ZNF385B: variants seen among roughly 807,000 people sequenced by gnomAD.
ZNF385B encodes the protein zinc finger protein 385B.
A neutral mutation model predicts 39.2 loss-of-function variants in ZNF385B; 23 were observed. The ratio of observed to expected loss-of-function variants is 0.59; its 90% CI spans 0.42 to 0.83. The LOEUF (loss-of-function observed/expected upper bound fraction) is 0.83, where lower values mean the gene tolerates loss of function less well. Ranked by LOEUF, ZNF385B falls within the 40% of genes least tolerant of loss-of-function variation. The probability of loss-of-function intolerance (pLI) is 0.00; values close to 1 mark genes in which losing one functional copy is unlikely to be tolerated. For synonymous variants in ZNF385B, 205 were observed against 222.6 expected, an observed-to-expected ratio of 0.92 and a Z score of 0.70; for missense variants, 552 against 598.9, an observed-to-expected ratio of 0.92 and a Z score of 0.82.
intron 3 of ZNF385B, chr2:179,562,396 T>C: frequency 1.0e-6 from 1 of 985,404 alleles, no homozygotes. Flanking sequence ...TAGCAGTGCT[T>C]ACCTTTGTTT....
chr2:179,490,316 A>AACACACACAC lies in ZNF385B; in HGVS notation c.553-6892_553-6883dup, dbSNP rs143318849. On this transcript the variant is annotated intron_variant, in intron 5 of 9. Coordinates refer to ENST00000410066, the MANE Select transcript of ZNF385B (RefSeq NM_152520.6). ...TGAATATATGAGCATTACACACACA[A>AACACACACAC]ACACACACACACACACACACACATA... Among the ~76,000 whole-genome samples, 277 of 150,078 alleles carry AACACACACAC rather than the reference A, an allele frequency of 1.8e-3. 1 individual carries two copies. The highest frequency in any genetic ancestry group is 6.6e-3 in the African/African-American group (270 of 40,946).
intron 1 of ZNF385B, among the ~76,000 whole-genome samples, chr2:179,825,986 T>C (rs1014860400): frequency 6.6e-6 from 1 of 152,182 alleles, no homozygotes; most frequent in African/African-American, 2.4e-5. Context: ...GGCAGCTTTA[T>C]TGACACTAAA....
At chr2:179,709,438 G>C (rs1283639880) in intron 3 of ZNF385B, among the ~76,000 whole-genome samples, 2 of 152,128 alleles carry the variant, frequency 1.3e-5, no homozygotes, top group African/African-American at 4.8e-5. Context: ...CCCCCTTTGG[G>C]GTGCTGACAC....
intron 1 of ZNF385B, among the ~76,000 whole-genome samples, chr2:179,771,524 T>TA (rs35343543): frequency 0.11 from 16,975 of 152,192 alleles, 1,613 homozygotes; most frequent in East Asian, 0.49. Flanking sequence ...GCTCCTGCCT[T>TA]AAAATCTGCT....
rs1162388179 is a variant in ZNF385B, at chr2:179,451,099, G to A, written c.716-4329C>T. On this transcript the variant is annotated intron_variant, in intron 6 of 9. Coordinates refer to ENST00000410066, the MANE Select transcript of ZNF385B (RefSeq NM_152520.6). ...GGAACATCACACACTGGGGACTGTT[G>A]TGAGGTGGGGGGAGGGGGGAGGGAT... 3.3e-5 allele frequency among the ~76,000 whole-genome samples: 4 copies of A among 120,766 alleles called. No homozygotes were observed. The South Asian group carries it at 9.3e-4, about 28-fold the overall frequency. The allele number at this position is 120,766 out of a possible 152,430, so 79.2% of individuals were successfully genotyped here.
intron 3 of ZNF385B, among the ~76,000 whole-genome samples, chr2:179,583,286 G>C (rs1686743510): frequency 6.6e-6 from 1 of 152,098 alleles, no homozygotes; most frequent in Non-Finnish European, 1.5e-5. Flanking sequence ...CTGTATTTCA[G>C]ACCTCCAGAC....
intron 6 of ZNF385B, among the ~76,000 whole-genome samples, chr2:179,472,193 A>G (rs545574850): frequency 6.6e-6 from 1 of 152,306 alleles, no homozygotes; most frequent in South Asian, 2.1e-4. Context: ...TATAAGCAGG[A>G]CAGCTGCTAA....
chr2:179,529,836 T>C (rs6433794), intron 4 of ZNF385B, among the ~76,000 whole-genome samples: 127,979 of 152,138 alleles, frequency 0.84, 55,597 homozygotes, highest in Non-Finnish European at 0.96. Context: ...AAGATAAATA[T>C]GAACAAAACT....
At chr2:179,739,894 A>C (rs1314413754) in intron 3 of ZNF385B, among the ~76,000 whole-genome samples, 1 of 152,080 alleles carries the variant, frequency 6.6e-6, no homozygotes, top group African/African-American at 2.4e-5. Flanking sequence ...TACCTTACTA[A>C]ATCACACAAA....
intron 3 of ZNF385B, among the ~76,000 whole-genome samples, chr2:179,640,689 C>T (rs1026882963): frequency 1.7e-4 from 26 of 152,210 alleles, no homozygotes; most frequent in African/African-American, 6.3e-4. Context: ...AAGACAACTG[C>T]TGCTTTGAAA....
chr2:179,754,903 T>C (rs1430294147), intron 3 of ZNF385B, among the ~76,000 whole-genome samples: 1 of 152,220 alleles, frequency 6.6e-6, no homozygotes, highest in African/African-American at 2.4e-5. Context: ...CATTGGTTTT[T>C]TGAAGGGTTT....
chr2:179,725,631 C>T lies in ZNF385B; in HGVS notation c.298+43872G>A, dbSNP rs557168220. 2.6e-5 allele frequency among the ~76,000 whole-genome samples: 4 copies of T among 151,144 alleles called. No homozygotes were observed. The South Asian group carries it at 6.2e-4, about 24-fold the overall frequency. Reference sequence around the variant, plus strand: ...CTCTAGCTTTGTCAGTTTCACACTGCTCTACAGTGTGAAATTGACAAGAAA... The same window carrying T: ...CTCTAGCTTTGTCAGTTTCACACTGTTCTACAGTGTGAAATTGACAAGAAA... On this transcript the variant is annotated intron_variant, in intron 3 of 9. Coordinates refer to ENST00000410066, the MANE Select transcript of ZNF385B (RefSeq NM_152520.6).
chr2:179,709,153 C>G (rs1699822675), intron 3 of ZNF385B, among the ~76,000 whole-genome samples: 1 of 152,138 alleles, frequency 6.6e-6, no homozygotes, highest in Admixed American at 6.5e-5. Context: ...TTACATAGTC[C>G]CTACTATCTG....
intron 5 of ZNF385B, among the ~76,000 whole-genome samples, chr2:179,515,491 T>C (rs886840578): frequency 2.0e-5 from 3 of 152,222 alleles, no homozygotes; most frequent in Non-Finnish European, 4.4e-5. Context: ...GTCAGGTAAG[T>C]AGTAAACATT....
intron 4 of ZNF385B, among the ~76,000 whole-genome samples, chr2:179,521,007 T>C (rs978621105): frequency 2.0e-5 from 3 of 152,182 alleles, no homozygotes; most frequent in East Asian, 1.9e-4. Context: ...TGCCCAAACA[T>C]AGAAAGACAA....
chr2:179,712,896 T>G (rs1700094003), intron 3 of ZNF385B, among the ~76,000 whole-genome samples: 1 of 152,222 alleles, frequency 6.6e-6, no homozygotes, highest in East Asian at 1.9e-4. Flanking sequence ...TCACGTTCAA[T>G]AAAAGTCATA....
At chr2:179,478,106 C>G (rs997454014) in intron 6 of ZNF385B, among the ~76,000 whole-genome samples, 2 of 152,212 alleles carry the variant, frequency 1.3e-5, no homozygotes. Flanking sequence ...TCCATCCTGA[C>G]TCTACTGGGA....
At chr2:179,620,543 G>T (rs1474006036) in intron 3 of ZNF385B, among the ~76,000 whole-genome samples, 1 of 151,614 alleles carries the variant, frequency 6.6e-6, no homozygotes, top group African/African-American at 2.4e-5. Context: ...CTCTAAATTG[G>T]CATCTTCTGA....
chr2:179,755,207 A>G (rs549944314), intron 3 of ZNF385B, among the ~76,000 whole-genome samples: 1 of 152,330 alleles, frequency 6.6e-6, no homozygotes, highest in Admixed American at 6.5e-5. Flanking sequence ...GTCATTCAGG[A>G]GCAGGTTGTT....
Sources: gnomAD v4.1 joint callset for allele counts (sites outside exome capture counted in the v4.1 genomes callset) on GRCh38, gnomAD v4.1.1 for gene constraint, MANE v1.5 for transcripts, NCBI Gene and HGNC (gene_info 2026-07-23, HGNC 2026-07-21) for gene names.